The following HHLA2 variants were observed in gnomAD, a reference collection of about 807,000 sequenced individuals.
HHLA2 encodes HERV-H LTR-associating protein 2.
Under a neutral mutation model 45.9 loss-of-function variants are expected in HHLA2, and 48 were observed. That is an observed-to-expected ratio of 1.05 (90% CI 0.83 to 1.33). The LOEUF (loss-of-function observed/expected upper bound fraction) is 1.33, where lower values mean the gene tolerates loss of function less well. Ranked by LOEUF, HHLA2 falls within the 40% of genes most tolerant of loss-of-function variation. The pLI is 0.00. For synonymous variants in HHLA2, 161 were observed against 173.9 expected, an observed-to-expected ratio of 0.93 and a Z score of 0.59; for missense variants, 462 against 494.3, an observed-to-expected ratio of 0.93 and a Z score of 0.62.
chr3:108,355,920 T>C (rs1250145083), intron 6 of HHLA2, among the ~76,000 whole-genome samples: 1 of 152,108 alleles, frequency 6.6e-6, no homozygotes, highest in East Asian at 1.9e-4. Flanking sequence ...CGCTCGTTCC[T>C]CTCATTTATT....
At chr3:108,317,364 C>G (rs1027534553) in intron 2 of HHLA2, among the ~76,000 whole-genome samples, 1 of 152,112 alleles carries the variant, frequency 6.6e-6, no homozygotes, top group Non-Finnish European at 1.5e-5. Flanking sequence ...CCAGCTGTTG[C>G]TGATTAAAGA....
At chr3:108,311,978 G>A (rs1343866883) in intron 2 of HHLA2, 2 of 152,178 alleles carry the variant, frequency 1.3e-5, no homozygotes, top group African/African-American at 4.8e-5. Context: ...ACATTTCCCA[G>A]ACTGCCTTTC....
chr3:108,320,582 AG>A (rs1344678228), intron 2 of HHLA2, among the ~76,000 whole-genome samples: 9 of 152,242 alleles, frequency 5.9e-5, no homozygotes, highest in Admixed American at 1.3e-4. Flanking sequence ...TTTTCTTCAT[AG>A]TTTTCATAGT....
At chr3:108,299,360 C>T (rs997532399) in intron 1 of HHLA2, among the ~76,000 whole-genome samples, 4 of 148,380 alleles carry the variant, frequency 2.7e-5, no homozygotes, top group African/African-American at 9.8e-5. Flanking sequence ...TATTATAATA[C>T]ATAAATATAT....
chr3:108,347,916 G>C (rs1412492245), intron 3 of HHLA2, among the ~76,000 whole-genome samples: 1 of 152,112 alleles, frequency 6.6e-6, no homozygotes, highest in Non-Finnish European at 1.5e-5. Context: ...GAAAGAACAG[G>C]ATAGTTTCTG....
intron 1 of HHLA2, among the ~76,000 whole-genome samples, chr3:108,307,377 T>C (rs1406091460): frequency 6.6e-6 from 1 of 152,140 alleles, no homozygotes; most frequent in African/African-American, 2.4e-5. Context: ...GGCTCACGGC[T>C]GTAATCTCAG....
intron 2 of HHLA2, among the ~76,000 whole-genome samples, chr3:108,323,131 G>T (rs778366728): frequency 7.2e-5 from 10 of 138,172 alleles, no homozygotes; most frequent in African/African-American, 1.3e-4. Context: ...TTCCCATAGT[G>T]GGGGGGTCTG....
At chr3:108,363,606 G>C (rs1036974002) in intron 8 of HHLA2, among the ~76,000 whole-genome samples, 3 of 152,164 alleles carry the variant, frequency 2.0e-5, no homozygotes, top group African/African-American at 7.2e-5. Context: ...GATAGTTCCT[G>C]TCCCTTGGCT....
intron 1 of HHLA2, among the ~76,000 whole-genome samples, chr3:108,301,897 C>T (rs2080856482): frequency 6.6e-6 from 1 of 152,060 alleles, no homozygotes; most frequent in Non-Finnish European, 1.5e-5. Flanking sequence ...CTCGCATTTA[C>T]CAAGTATTGC....
At position 108,354,600 on chromosome 3, in the gene HHLA2, G is replaced by GAT. The variant is rs377557312; in HGVS notation, c.419-507_419-506dup. 5.1e-3 allele frequency among the ~76,000 whole-genome samples: 769 copies of GAT among 151,920 alleles called. 4 individuals are homozygous for GAT. Among genetic ancestry groups the GAT allele is most frequent in the Non-Finnish European group, 7.4e-3 (504 of 67,954 alleles). On this transcript the variant is annotated intron_variant, in intron 5 of 10. Coordinates refer to ENST00000619531, the Ensembl canonical transcript of HHLA2. ...AATATATAGAACAATCTTACATATA[G>GAT]ATATATATACACACACACACATACA...
At chr3:108,306,972 C>G (rs2080940672) in intron 1 of HHLA2, among the ~76,000 whole-genome samples, 1 of 152,152 alleles carries the variant, frequency 6.6e-6, no homozygotes, top group Admixed American at 6.5e-5. Flanking sequence ...TCTCCTGCCT[C>G]AGGCTCCCAA....
At chr3:108,326,515 T>G (rs1020579255) in intron 2 of HHLA2, 1 of 152,228 alleles carries the variant, frequency 6.6e-6, no homozygotes, top group Admixed American at 6.5e-5. Context: ...ACTGAGTCCC[T>G]TCCATAACAT....
Position 108,321,091 on chromosome 3 carries a change from T to TAAA in HHLA2, c.-104-7160_-104-7158dup, listed in dbSNP as rs67374827. ...TCACCAGAACATTTCTCCAGGTGTTTAAAAAAAAAAAAAAAAAAAAAGACT... is the reference window on the plus strand; with the variant it reads ...TCACCAGAACATTTCTCCAGGTGTTTAAAAAAAAAAAAAAAAAAAAAAAAGACT... On this transcript the variant is annotated intron_variant, in intron 2 of 10. Transcript: ENST00000619531. Among the ~76,000 whole-genome samples, 123 of 101,410 alleles carry TAAA rather than the reference T, an allele frequency of 1.2e-3. 29 individuals are homozygous for TAAA. The highest frequency in any genetic ancestry group is 0.013 in the Middle Eastern group (2 of 156). 66.5% of individuals were successfully genotyped at this position (101,410 alleles called of 152,430 possible).
chr3:108,336,059 A>G (rs1286148762), intron 3 of HHLA2, among the ~76,000 whole-genome samples: 1 of 152,048 alleles, frequency 6.6e-6, no homozygotes, highest in African/African-American at 2.4e-5. Context: ...ACCAATTATG[A>G]ACTTTCCAAA....
intron 6 of HHLA2, among the ~76,000 whole-genome samples, chr3:108,356,950 C>T (rs2081904178): frequency 1.3e-5 from 2 of 151,990 alleles, no homozygotes; most frequent in Admixed American, 1.3e-4. Flanking sequence ...AAGAATATTC[C>T]AGGTAAAAAG....
At chr3:108,325,701 G>T (rs564015049) in intron 2 of HHLA2, 97 of 218,842 alleles carry the variant, frequency 4.4e-4, no homozygotes, top group African/African-American at 2.2e-3. Flanking sequence ...CTTCAAAATT[G>T]TTTCTATCTA....
chr3:108,351,737 C>T (rs773617676), intron 3 of HHLA2, 51 bp from the exon 3 acceptor site: 63 of 1,131,136 alleles, frequency 5.6e-5, no homozygotes, highest in Non-Finnish European at 8.0e-5. Context: ...TTTTCCAATT[C>T]CCTTTTGCAT....
intron 3 of HHLA2, among the ~76,000 whole-genome samples, chr3:108,335,039 T>A (rs73204188): frequency 6.6e-6 from 1 of 152,194 alleles, no homozygotes; most frequent in Non-Finnish European, 1.5e-5. Flanking sequence ...CAAATCCTAA[T>A]AGAATTGCAA....
intron 3 of HHLA2, among the ~76,000 whole-genome samples, chr3:108,348,998 T>C (rs1296724428): frequency 6.6e-6 from 1 of 152,186 alleles, no homozygotes; most frequent in Non-Finnish European, 1.5e-5. Flanking sequence ...TAGTATTCCA[T>C]GGTGTATATG....
Sources: allele counts gnomAD v4.1 joint callset (sites outside exome capture counted in the v4.1 genomes callset), GRCh38; gene constraint gnomAD v4.1.1; transcripts MANE v1.5; gene names NCBI Gene and HGNC (gene_info 2026-07-23, HGNC 2026-07-21).